The following MTERF4 variants were observed in gnomAD, a reference collection of about 807,000 sequenced individuals.
MTERF4 encodes the protein mitochondrial transcription termination factor 4.
Under a neutral mutation model 22.5 loss-of-function variants are expected in MTERF4, and 17 were observed. The ratio of observed to expected loss-of-function variants is 0.75; its 90% CI spans 0.52 to 1.13. The LOEUF (loss-of-function observed/expected upper bound fraction) is 1.13. Among genes scored for constraint, MTERF4 ranks in the 50% most tolerant of loss-of-function variants. The pLI, the probability that MTERF4 is intolerant of heterozygous loss-of-function variation, is 0.00. For missense variants in MTERF4, 420 were observed against 466.8 expected (o/e 0.90, Z 0.92); for synonymous variants, 165 against 175.3 (o/e 0.94, Z 0.47).
chr2:241,091,929 T>C (rs866805335), downstream of MTERF4: 7 of 152,306 alleles, frequency 4.6e-5, no homozygotes, highest in Admixed American at 1.3e-4. The surrounding 1 kb of genome is among the most constrained non-coding windows in gnomAD (Gnocchi z 4.1). Context: ...AGTCTGTGTC[T>C]CTGCGGATGA....
At chr2:241,067,563 G>T (rs562008526), downstream of MTERF4, among the ~76,000 whole-genome samples, 1 of 152,142 alleles carries the variant, frequency 6.6e-6, no homozygotes, top group Admixed American at 6.5e-5. Flanking sequence ...TGCTCACAGC[G>T]GGTTCTGCAG....
chr2:241,096,618 T>C lies in MTERF4; in HGVS notation c.706-180A>G, dbSNP rs1338500289. The C allele has an allele frequency of 3.4e-5, 25 of 732,262 alleles. No homozygotes were observed. In the Admixed American group the frequency reaches 4.8e-4, roughly 14 times the overall value. 45.4% of individuals were successfully genotyped at this position (732,262 alleles called of 1,614,324 possible). ...GACAGCCAGCAGTTTCAAAACACTT[T>C]CAAATTCATCCTGAGAAACATGGAG... On this transcript the variant is annotated intron_variant, in intron 3 of 3. Coordinates refer to ENST00000391980, the MANE Select transcript of MTERF4 (RefSeq NM_182501.4). This position sits in a 1 kb window ranked among gnomAD's most constrained non-coding sequence, Gnocchi z 5.1.
chr2:241,060,068 C>G, the MTERF4 span, among the ~76,000 whole-genome samples: 1 of 152,142 alleles, frequency 6.6e-6, no homozygotes, highest in Non-Finnish European at 1.5e-5. Flanking sequence ...TATATAGAAC[C>G]TGTTGTAGCA....
the MTERF4 span, among the ~76,000 whole-genome samples, chr2:241,061,566 GAATATACACA>G: frequency 6.6e-6 from 1 of 152,176 alleles, no homozygotes; most frequent in Admixed American, 6.5e-5. Flanking sequence ...AGATGGGAAA[GAATATACACA>G]GCAACATTTT....
downstream of MTERF4, among the ~76,000 whole-genome samples, chr2:241,067,274 C>G (rs1270965207): frequency 6.6e-6 from 1 of 152,240 alleles, no homozygotes; most frequent in African/African-American, 2.4e-5. Context: ...TCGGAGGAGA[C>G]TGGCTGGGCG....
chr2:241,070,733 G>A (rs2062667607), downstream of MTERF4, among the ~76,000 whole-genome samples: 1 of 152,238 alleles, frequency 6.6e-6, no homozygotes, highest in Non-Finnish European at 1.5e-5. Flanking sequence ...GGCCCTTCCA[G>A]GCTCCACCAG....
chr2:241,046,496 C>T, the MTERF4 span, among the ~76,000 whole-genome samples: 13 of 152,176 alleles, frequency 8.5e-5, no homozygotes, highest in East Asian at 1.9e-4. Flanking sequence ...TAGATACATA[C>T]GACAACTTAG....
downstream of MTERF4, chr2:241,067,765 A>T (rs764504310): frequency 6.2e-7 from 1 of 1,605,346 alleles, no homozygotes; most frequent in South Asian, 1.1e-5. Flanking sequence ...TCCCCCTAGG[A>T]CCCCGCCCTG....
At position 241,075,414 on chromosome 2, in the gene MTERF4, A is replaced by C. The variant is rs957950022; in HGVS notation, n.748T>G. On this transcript the variant is annotated non_coding_transcript_exon_variant, in exon 5 of 5. Coordinates refer to the MTERF4 transcript ENST00000464344. The surrounding 1 kb of genome is among the most constrained non-coding windows in gnomAD (Gnocchi z 4.8). The stretch of plus-strand genomic sequence containing the variant: ...CGGGTTTGCAGATCCTACAGGCAGA[A>C]CGGGTGGGATGCACACCCCTGGGAT... The C allele has an allele frequency of 2.0e-5, 3 of 152,196 alleles. No homozygotes were observed. The highest frequency in any genetic ancestry group is 1.3e-4 in the Admixed American group (2 of 15,282). The allele number at this position is 152,196 out of a possible 1,614,324, so 9.4% of individuals were successfully genotyped here. A position where few individuals can be genotyped will look rare whatever the true frequency, so the allele number is the denominator to read the frequency against.
chr2:241,081,264 C>G (rs2125301255), intron 4 of MTERF4, among the ~76,000 whole-genome samples: 1 of 152,012 alleles, frequency 6.6e-6, no homozygotes, highest in East Asian at 1.9e-4. Flanking sequence ...ATTAGAGCAC[C>G]AGGAGGGACC....
downstream of MTERF4, chr2:241,071,547 C>T: frequency 1.3e-6 from 2 of 1,567,102 alleles, no homozygotes; most frequent in Non-Finnish European, 1.7e-6. Flanking sequence ...CAGCCCCAGA[C>T]CAGCCCCTTC....
chr2:241,073,320 G>C lies in MTERF4; in HGVS notation n.2842C>G, dbSNP rs201069621. The C allele has an allele frequency of 2.5e-6, 4 of 1,574,542 alleles. No homozygotes were observed. Among genetic ancestry groups the C allele is most frequent in the Middle Eastern group, 1.7e-4 (1 of 6,018 alleles). ...ATGGAGGAAGCCCCCAAGCGGGTCA[G>C]CCTGGCCCTCCAGCTCCCTGAACAC... On this transcript the variant is annotated non_coding_transcript_exon_variant, in exon 5 of 5. Coordinates refer to the MTERF4 transcript ENST00000464344. This position sits in a 1 kb window ranked among gnomAD's most constrained non-coding sequence, Gnocchi z 6.6.
downstream of MTERF4, among the ~76,000 whole-genome samples, chr2:241,085,860 CTTTTTTTTTT>C (rs772995766): frequency 1.3e-5 from 1 of 79,190 alleles, no homozygotes; most frequent in Non-Finnish European, 2.4e-5. Context: ...TCTGCGGTTT[CTTTTTTTTTT>C]TTTTTTTTTT....
At chr2:241,081,881 G>A (rs535672728) in intron 4 of MTERF4, 22 of 1,008,214 alleles carry the variant, frequency 2.2e-5, no homozygotes, top group African/African-American at 1.3e-4. Flanking sequence ...GGTTTGCCAC[G>A]GGAGCCTCCA....
the MTERF4 span, among the ~76,000 whole-genome samples, chr2:241,049,473 G>A: frequency 6.6e-6 from 1 of 152,234 alleles, no homozygotes; most frequent in Non-Finnish European, 1.5e-5. Context: ...ACGTTTGTTA[G>A]TGTATAGATG....
chr2:241,085,012 C>T (rs959199424), downstream of MTERF4, among the ~76,000 whole-genome samples: 5 of 151,552 alleles, frequency 3.3e-5, no homozygotes. Flanking sequence ...CTGTGTTACA[C>T]TGTATGGAAT....
At chr2:241,068,051 C>A (rs1575044039), downstream of MTERF4, 1 of 557,218 alleles carries the variant, frequency 1.8e-6, no homozygotes, top group South Asian at 3.3e-5. The surrounding 1 kb of genome is among the most constrained non-coding windows in gnomAD (Gnocchi z 5.3). Flanking sequence ...GTGGACTGTA[C>A]CACCTGCCGC....
rs1473770096 is a variant in MTERF4, at chr2:241,073,264, A to G, written n.2898T>C. On this transcript the variant is annotated non_coding_transcript_exon_variant, in exon 5 of 5. Coordinates refer to the MTERF4 transcript ENST00000464344. This position sits in a 1 kb window ranked among gnomAD's most constrained non-coding sequence, Gnocchi z 6.6. ...GTGTGGTCACCGCCTGGCTTCTCCT[A>G]GAACCCACAGCCTCGGCGCAGCTCG... 1.3e-6 allele frequency: 2 copies of G among 1,554,868 alleles called. No individual in the cohort carries two copies. Among genetic ancestry groups the G allele is most frequent in the Non-Finnish European group, 8.7e-7 (1 of 1,149,468 alleles).
chr2:241,049,152 C>G, the MTERF4 span: 12 of 1,597,644 alleles, frequency 7.5e-6, no homozygotes, highest in Non-Finnish European at 1.0e-5. Context: ...AGCTCGGGGA[C>G]GAGCCTGCTG....
Sources: allele counts gnomAD v4.1 joint callset (sites outside exome capture counted in the v4.1 genomes callset), GRCh38; gene constraint gnomAD v4.1.1; non-coding constraint Gnocchi (gnomAD v3.1); transcripts MANE v1.5; gene names NCBI Gene and HGNC (gene_info 2026-07-23, HGNC 2026-07-21).